Variants in C8orf74 observed in about 807,000 individuals in gnomAD.
C8orf74 encodes the protein uncharacterized protein C8orf74.
A neutral mutation model predicts 22.2 loss-of-function variants in C8orf74; 29 were observed. That is an observed-to-expected ratio of 1.31 (90% CI 0.97 to 1.78). The LOEUF is 1.78. Ranked by LOEUF, C8orf74 falls within the 40% of genes most tolerant of loss-of-function variation. The probability of loss-of-function intolerance (pLI) is 0.00; values close to 1 mark genes in which losing one functional copy is unlikely to be tolerated. For missense variants in C8orf74, 515 were observed against 369.9 expected (o/e 1.39, Z -3.22); for synonymous variants, 255 against 163.1 (o/e 1.56, Z -4.30).
chr8:10,675,049 G>A (rs188981664), intron 2 of C8orf74, among the ~76,000 whole-genome samples: 2 of 152,340 alleles, frequency 1.3e-5, no homozygotes, highest in Admixed American at 1.3e-4. Flanking sequence ...TGGTCTGCCT[G>A]ACTGCAAATC....
At position 10,674,696 on chromosome 8, in the gene C8orf74, T is replaced by A. The variant is rs578056012; in HGVS notation, c.99T>A (p.Phe33Leu). 3.7e-5 allele frequency: 60 copies of A among 1,610,180 alleles called. No individual in the cohort carries two copies. The South Asian group carries it at 6.1e-4, about 16-fold the overall frequency. The stretch of plus-strand genomic sequence containing the variant: ...GGAGGCTTCTGAACTGGGAGGAGTT[T>A]GACGAACAGAGAGACTCCCGGAGGA... ...RLRRLLNWEE[F>L]DEQRDSRRSI... The change falls in exon 2 of 4, where the codon TTT (phenylalanine) becomes TTA (leucine). Residue 33 changes from phenylalanine (F) to leucine (L), a missense_variant. Transcript: ENST00000304519.
chr8:10,685,886 G>A (rs368907469), intron 2 of C8orf74, among the ~76,000 whole-genome samples: 33 of 152,244 alleles, frequency 2.2e-4, no homozygotes, highest in African/African-American at 6.5e-4. Flanking sequence ...TGGCTAACAC[G>A]GTGAAATCCT....
intron 3 of C8orf74, among the ~76,000 whole-genome samples, chr8:10,699,466 T>C (rs1425022527): frequency 6.6e-6 from 1 of 152,228 alleles, no homozygotes; most frequent in East Asian, 1.9e-4. Context: ...CTCAAAGAAA[T>C]GCACTACATC....
intron 3 of C8orf74, 127 bp from the exon 4 acceptor site, chr8:10,700,108 G>T: frequency 1.8e-6 from 1 of 561,612 alleles, no homozygotes. Context: ...AGGCAACCAC[G>T]GCCCGTGGGC....
chr8:10,681,846 G>C (rs1300982832), intron 2 of C8orf74, among the ~76,000 whole-genome samples: 1 of 152,224 alleles, frequency 6.6e-6, no homozygotes, highest in Non-Finnish European at 1.5e-5. Flanking sequence ...GTGAGTGCCT[G>C]GTGAAGAGCG....
chr8:10,682,237 A>G (rs893736422), intron 2 of C8orf74, among the ~76,000 whole-genome samples: 1 of 152,150 alleles, frequency 6.6e-6, no homozygotes, highest in Admixed American at 6.5e-5. Context: ...TGATTGATGG[A>G]TGGTGGAAGT....
At chr8:10,687,394 A>C (rs1173643169) in intron 2 of C8orf74, 1 of 250,640 alleles carries the variant, frequency 4.0e-6, no homozygotes, top group East Asian at 1.2e-4. Flanking sequence ...TAACACATGT[A>C]ATCCCGGCAG....
At chr8:10,696,085 G>A (rs893821697) in intron 2 of C8orf74, among the ~76,000 whole-genome samples, 4 of 152,122 alleles carry the variant, frequency 2.6e-5, no homozygotes, top group African/African-American at 9.7e-5. Context: ...TCTGCCTGGT[G>A]TCTGCTCATT....
chr8:10,681,693 C>T (rs1028102463), intron 2 of C8orf74, among the ~76,000 whole-genome samples: 10 of 152,330 alleles, frequency 6.6e-5, no homozygotes, highest in East Asian at 5.8e-4. Context: ...ATCATCATCA[C>T]GCGTGGCAGG....
chr8:10,677,365 C>T (rs562684363), intron 2 of C8orf74, among the ~76,000 whole-genome samples: 3 of 152,150 alleles, frequency 2.0e-5, no homozygotes, highest in African/African-American at 7.2e-5. Flanking sequence ...ACTAGACATC[C>T]TAGTACCTTT....
Position 10,674,655 on chromosome 8 carries a change from G to A in C8orf74, c.58G>A (p.Gly20Ser), listed in dbSNP as rs750146299. 13 of 1,607,396 alleles carry A rather than the reference G, an allele frequency of 8.1e-6. No homozygotes were observed. In the South Asian group the frequency reaches 1.5e-4, roughly 18 times the overall value. ...KEVFQLQRPQ[G>S]RERLRRLLNW... ...ATGTCATTCCCTGCAGAGACCACAA[G>A]GTCGGGAGCGCCTGCGGAGGCTTCT... The change falls in exon 2 of 4, where the codon GGT becomes AGT. Residue 20 changes from glycine (G) to serine (S), a missense_variant. Coordinates refer to ENST00000304519, the MANE Select transcript of C8orf74 (RefSeq NM_001040032.2).
intron 2 of C8orf74, among the ~76,000 whole-genome samples, chr8:10,675,228 G>A (rs1799007828): frequency 6.6e-6 from 1 of 152,234 alleles, no homozygotes; most frequent in Non-Finnish European, 1.5e-5. Flanking sequence ...TTTGCTGCAG[G>A]TGCCGGGGGA....
intron 2 of C8orf74, chr8:10,690,883 G>T (rs768121877): frequency 4.4e-6 from 2 of 455,882 alleles, no homozygotes; most frequent in Non-Finnish European, 8.8e-6. Flanking sequence ...CTGGCCTCCA[G>T]GGGCTTGGGG....
At chr8:10,678,669 C>T (rs1355583752) in intron 2 of C8orf74, among the ~76,000 whole-genome samples, 1 of 152,050 alleles carries the variant, frequency 6.6e-6, no homozygotes, top group Admixed American at 6.5e-5. Flanking sequence ...ATGAGACTGT[C>T]CCAGTTCTGC....
intron 2 of C8orf74, chr8:10,675,690 A>G (rs1323270884): frequency 6.6e-6 from 1 of 152,232 alleles, no homozygotes; most frequent in African/African-American, 2.4e-5. Context: ...GCCTGGTCAG[A>G]CGCAGTGAGC....
intron 2 of C8orf74, among the ~76,000 whole-genome samples, chr8:10,688,077 C>T (rs1236189314): frequency 2.0e-5 from 3 of 151,846 alleles, no homozygotes; most frequent in Non-Finnish European, 4.4e-5. Context: ...TGGTAGTGTA[C>T]ACCTGTAGTT....
At chr8:10,699,528 T>G (rs1003518587) in intron 3 of C8orf74, among the ~76,000 whole-genome samples, 9 of 152,348 alleles carry the variant, frequency 5.9e-5, no homozygotes, top group African/African-American at 2.2e-4. Context: ...TGCTGTGTGG[T>G]TGCTCGGGCA....
At chr8:10,681,442 C>G (rs948826257) in intron 2 of C8orf74, among the ~76,000 whole-genome samples, 2 of 152,134 alleles carry the variant, frequency 1.3e-5, no homozygotes, top group African/African-American at 2.4e-5. Flanking sequence ...AGTTTGCCAG[C>G]CTTATCTAAT....
chr8:10,700,502 G>C lies in C8orf74; in HGVS notation c.*31G>C. 7.1e-7 allele frequency: 1 copy of C among 1,404,968 alleles called. No homozygotes were observed. Among genetic ancestry groups the C allele is most frequent in the Middle Eastern group, 1.8e-4 (1 of 5,566 alleles). 87.0% of individuals were successfully genotyped at this position (1,404,968 alleles called of 1,614,324 possible). On this transcript the variant is annotated 3_prime_UTR_variant, in exon 4 of 4. Coordinates refer to ENST00000304519, the MANE Select transcript of C8orf74 (RefSeq NM_001040032.2). ...CCCGACTGCCACACGAGACTGACTGGGGACCAGCCACCCATAACCATGAGC... is the reference window on the plus strand; with the variant it reads ...CCCGACTGCCACACGAGACTGACTGCGGACCAGCCACCCATAACCATGAGC...
Sources: allele counts gnomAD v4.1 joint callset (sites outside exome capture counted in the v4.1 genomes callset), GRCh38; gene constraint gnomAD v4.1.1; transcripts MANE v1.5; gene names NCBI Gene and HGNC (gene_info 2026-07-23, HGNC 2026-07-21).